SENP7: variants seen among roughly 807,000 people sequenced by gnomAD.
SENP7 encodes the protein SUMO specific peptidase 7.
A neutral mutation model predicts 141.2 loss-of-function variants in SENP7; 64 were observed. That is an observed-to-expected ratio of 0.45 (90% CI 0.37 to 0.56). SENP7 has a LOEUF of 0.56. Ranked by LOEUF, SENP7 falls within the 20% of genes least tolerant of loss-of-function variation. SENP7 has a pLI of 0.00. For missense variants in SENP7, 1,025 were observed against 1,212.2 expected, an observed-to-expected ratio of 0.85 and a Z score of 2.29; for synonymous variants, 382 against 426.4, an observed-to-expected ratio of 0.90 and a Z score of 1.28.
intron 6 of SENP7, among the ~76,000 whole-genome samples, chr3:101,379,896 A>C (rs2060446934): frequency 6.6e-6 from 1 of 152,226 alleles, no homozygotes; most frequent in African/African-American, 2.4e-5. Context: ...GGCATTACAC[A>C]CAATAGCCAA....
At chr3:101,400,073 G>T (rs2061089186) in intron 5 of SENP7, among the ~76,000 whole-genome samples, 1 of 152,136 alleles carries the variant, frequency 6.6e-6, no homozygotes, top group Non-Finnish European at 1.5e-5. Context: ...TATTTACTCT[G>T]CTGGCCAGTC....
At position 101,438,852 on chromosome 3, in the gene SENP7, C is replaced by T. The variant is rs890283541; in HGVS notation, c.284+20103G>A. On this transcript the variant is annotated intron_variant, in intron 4 of 23. Transcript: ENST00000394095. ...CCGGCGAGCGCCGCCCGGGAGGCAG[C>T]GGCTGGAGGAGCGGACGGGCCCCGC... Among the ~76,000 whole-genome samples, 7 of 151,984 alleles carry T rather than the reference C, an allele frequency of 4.6e-5. 1 individual carries two copies. In the South Asian group the frequency reaches 1.2e-3, roughly 27 times the overall value.
intron 11 of SENP7, among the ~76,000 whole-genome samples, chr3:101,360,781 G>A (rs2107342136): frequency 6.6e-6 from 1 of 152,370 alleles, no homozygotes; most frequent in Middle Eastern, 3.4e-3. Flanking sequence ...AGTGTTATAA[G>A]TGTATAGCAA....
chr3:101,416,912 A>C (rs1355836096), intron 5 of SENP7, among the ~76,000 whole-genome samples: 1 of 152,164 alleles, frequency 6.6e-6, no homozygotes, highest in East Asian at 1.9e-4. Context: ...TTCCCTCCAA[A>C]ACATTCATTT....
chr3:101,454,849 G>A (rs1408812261), intron 4 of SENP7, among the ~76,000 whole-genome samples: 1 of 152,170 alleles, frequency 6.6e-6, no homozygotes, highest in Non-Finnish European at 1.5e-5. Flanking sequence ...GGTGAGAATG[G>A]AAAGTGGTTG....
intron 3 of SENP7, among the ~76,000 whole-genome samples, chr3:101,463,364 A>C (rs13316518): frequency 1.1e-5 from 1 of 89,248 alleles, no homozygotes; most frequent in Non-Finnish European, 2.2e-5. Context: ...TAAATAAATA[A>C]ATATATATAT....
chr3:101,331,175 T>G (rs1200727237), intron 19 of SENP7, among the ~76,000 whole-genome samples: 2 of 152,122 alleles, frequency 1.3e-5, no homozygotes, highest in African/African-American at 4.8e-5. Context: ...ACAATGTATA[T>G]GTATTTCAAA....
At chr3:101,424,050 G>A (rs1189339064) in intron 4 of SENP7, among the ~76,000 whole-genome samples, 3 of 152,112 alleles carry the variant, frequency 2.0e-5, no homozygotes, top group Non-Finnish European at 2.9e-5. Flanking sequence ...TAGCCCTAGG[G>A]GAACTGTTGG....
At chr3:101,490,635 CT>C (rs2064928648) in intron 3 of SENP7, among the ~76,000 whole-genome samples, 2 of 152,048 alleles carry the variant, frequency 1.3e-5, no homozygotes, top group South Asian at 4.1e-4. Flanking sequence ...ATATGTTACT[CT>C]AGTCAGAGCT....
At chr3:101,413,359 C>T (rs567450003) in intron 5 of SENP7, among the ~76,000 whole-genome samples, 7 of 152,218 alleles carry the variant, frequency 4.6e-5, no homozygotes, top group Non-Finnish European at 8.8e-5. Context: ...CCTTATTTGA[C>T]GCTTGTAATA....
intron 1 of SENP7, among the ~76,000 whole-genome samples, chr3:101,512,494 A>T (rs2065900156): frequency 6.6e-6 from 1 of 152,382 alleles, no homozygotes; most frequent in African/African-American, 2.4e-5. Context: ...CCTTTGTTTG[A>T]CTTTCCAATC....
chr3:101,432,502 G>T (rs1468829964), intron 4 of SENP7, among the ~76,000 whole-genome samples: 1 of 152,180 alleles, frequency 6.6e-6, no homozygotes, highest in Non-Finnish European at 1.5e-5. Flanking sequence ...GGCTGTGCTG[G>T]CTTCAGGTCT....
intron 4 of SENP7, among the ~76,000 whole-genome samples, chr3:101,427,645 CCTTTTT>C (rs1190847268): frequency 1.3e-5 from 2 of 152,082 alleles, no homozygotes; most frequent in Non-Finnish European, 2.9e-5. Flanking sequence ...CACAGAATTT[CCTTTTT>C]CTTTTTCTTT....
intron 13 of SENP7, among the ~76,000 whole-genome samples, chr3:101,346,825 G>C (rs1386963531): frequency 4.6e-5 from 7 of 151,906 alleles, no homozygotes; most frequent in Admixed American, 4.6e-4. Context: ...CTCGGGTTAT[G>C]GGTGCACTAA....
intron 11 of SENP7, among the ~76,000 whole-genome samples, chr3:101,356,574 G>A (rs1009206413): frequency 7.9e-5 from 12 of 151,994 alleles, no homozygotes; most frequent in South Asian, 2.1e-4. Flanking sequence ...CTCTGATTTC[G>A]TGTAATGTCT....
rs1048930045 is a variant in SENP7 at position 101,437,096 on chromosome 3, G to A, written c.285-19306C>T. On this transcript the variant is annotated intron_variant, in intron 4 of 23. Transcript: ENST00000394095. ...CACAGATGGGATTAGAGATCATTACGTTAAGTGAAACAAGCCAGGCACAGA... is the reference window on the plus strand; with the variant it reads ...CACAGATGGGATTAGAGATCATTACATTAAGTGAAACAAGCCAGGCACAGA... 5.9e-5 allele frequency among the ~76,000 whole-genome samples: 9 copies of A among 152,146 alleles called. No homozygotes were observed. In the East Asian group the frequency reaches 9.6e-4, roughly 16 times the overall value.
At chr3:101,435,651 G>A (rs1031526205) in intron 4 of SENP7, among the ~76,000 whole-genome samples, 1 of 150,790 alleles carries the variant, frequency 6.6e-6, no homozygotes, top group Non-Finnish European at 1.5e-5. Context: ...CAAAAAACAC[G>A]AAAAAAAATT....
At chr3:101,378,379 A>G (rs980869800) in intron 6 of SENP7, among the ~76,000 whole-genome samples, 2 of 152,124 alleles carry the variant, frequency 1.3e-5, no homozygotes, top group African/African-American at 4.8e-5. Flanking sequence ...AAAAAGAAAT[A>G]CTAAAGATCA....
intron 1 of SENP7, 94 bp from the exon 2 acceptor site, chr3:101,501,213 T>C: frequency 1.2e-6 from 1 of 835,008 alleles, no homozygotes; most frequent in Non-Finnish European, 1.9e-6. Context: ...TCATCCTTTG[T>C]TTTAAATTAA....
Sources: allele counts gnomAD v4.1 joint callset (sites outside exome capture counted in the v4.1 genomes callset), GRCh38; gene constraint gnomAD v4.1.1; transcripts MANE v1.5; gene names NCBI Gene and HGNC (gene_info 2026-07-23, HGNC 2026-07-21).